The following SDK1 variants were observed in gnomAD, a reference collection of about 807,000 sequenced individuals.
SDK1 encodes the protein protein sidekick-1.
Under a neutral mutation model 245.5 loss-of-function variants are expected in SDK1, and 157 were observed. The observed-to-expected ratio is 0.64, with a 90% CI of 0.56 to 0.73. The LOEUF (loss-of-function observed/expected upper bound fraction) is 0.73. SDK1 is among the 30% of genes least tolerant of loss of function. The pLI is 0.00. For missense variants in SDK1, 3,583 were observed against 3,002.3 expected (o/e 1.19, Z -4.52); for synonymous variants, 1,647 against 1,278.5 (o/e 1.29, Z -6.15).
rs74739258 is a variant in SDK1 at position 4,038,045 on chromosome 7, A to C, written c.2603-11303A>C. Among the ~76,000 whole-genome samples, 1,370 of 152,338 alleles carry C rather than the reference A, an allele frequency of 9.0e-3. 23 individuals carry two copies. The highest frequency in any genetic ancestry group is 0.032 in the African/African-American group (1,321 of 41,572). Reference sequence around the variant, plus strand: ...TGACACAGCTGTCCCCAGTGCTGGCACATAGGCTGCCCAGCTCACAGCTGT... The same window carrying C: ...TGACACAGCTGTCCCCAGTGCTGGCCCATAGGCTGCCCAGCTCACAGCTGT... On this transcript the variant is annotated intron_variant, in intron 17 of 44. Coordinates refer to ENST00000404826, the MANE Select transcript of SDK1 (RefSeq NM_152744.4).
intron 4 of SDK1, among the ~76,000 whole-genome samples, chr7:3,703,808 G>A (rs539651879): frequency 2.6e-5 from 4 of 152,284 alleles, no homozygotes; most frequent in South Asian, 4.1e-4. Context: ...TTCCCAAGAC[G>A]TGTGAATTTG....
chr7:4,218,566 G>T (rs1016944298), intron 38 of SDK1, among the ~76,000 whole-genome samples: 11 of 152,350 alleles, frequency 7.2e-5, no homozygotes, highest in African/African-American at 2.6e-4. Flanking sequence ...GACCCGTTTT[G>T]TAGTAGGAAG....
At chr7:3,609,398 T>C (rs901827908) in intron 1 of SDK1, among the ~76,000 whole-genome samples, 1 of 151,946 alleles carries the variant, frequency 6.6e-6, no homozygotes, top group Admixed American at 6.6e-5. Flanking sequence ...CTGGGATTTT[T>C]CTTTTTCTTT....
At chr7:4,093,103 A>T (rs1374710885) in intron 22 of SDK1, among the ~76,000 whole-genome samples, 1 of 151,904 alleles carries the variant, frequency 6.6e-6, no homozygotes, top group Admixed American at 6.6e-5. Context: ...TGATGCTCAG[A>T]TGTGGGTTGC....
At chr7:4,113,905 C>A in intron 24 of SDK1, 132 bp from the exon 25 acceptor site, 1 of 658,132 alleles carries the variant, frequency 1.5e-6, no homozygotes, top group Non-Finnish European at 2.6e-6. Flanking sequence ...TAAAGTAGAT[C>A]CTTCTAAGAC....
intron 16 of SDK1, among the ~76,000 whole-genome samples, chr7:4,015,071 G>A (rs186498066): frequency 3.8e-3 from 580 of 152,250 alleles, no homozygotes; most frequent in Non-Finnish European, 6.2e-3. Context: ...GTTTAAAAAT[G>A]TATATATATT....
chr7:3,587,300 CGTGT>C (rs10523052), intron 1 of SDK1, among the ~76,000 whole-genome samples: 61,976 of 149,020 alleles, frequency 0.42, 13,234 homozygotes, highest in South Asian at 0.62. Context: ...AGAAACAGAA[CGTGT>C]GTGTGTGTGT....
chr7:3,992,820 T>C (rs1382676832), intron 14 of SDK1, among the ~76,000 whole-genome samples: 1 of 152,166 alleles, frequency 6.6e-6, no homozygotes, highest in African/African-American at 2.4e-5. Flanking sequence ...CTGTAAATTG[T>C]AGAAATCTTA....
chr7:3,595,649 T>C (rs1192587337), intron 1 of SDK1, among the ~76,000 whole-genome samples: 1 of 151,774 alleles, frequency 6.6e-6, no homozygotes, highest in African/African-American at 2.4e-5. Flanking sequence ...CACAGGGGTT[T>C]GACCTTGACT....
chr7:3,975,245 C>A (rs751816428), intron 13 of SDK1, among the ~76,000 whole-genome samples: 1 of 152,194 alleles, frequency 6.6e-6, no homozygotes, highest in East Asian at 1.9e-4. Context: ...AAAGTTGTGC[C>A]ATCTCAATAT....
intron 40 of SDK1, among the ~76,000 whole-genome samples, chr7:4,226,305 C>T (rs1478157003): frequency 1.3e-5 from 2 of 152,210 alleles, no homozygotes; most frequent in Admixed American, 6.5e-5. Flanking sequence ...CTCTGGCCCA[C>T]GTGGTCGGCT....
At chr7:4,050,857 A>G (rs1218413466) in intron 18 of SDK1, among the ~76,000 whole-genome samples, 1 of 145,422 alleles carries the variant, frequency 6.9e-6, no homozygotes, top group East Asian at 2.0e-4. Context: ...AATATATATT[A>G]TATACTATAT....
intron 4 of SDK1, among the ~76,000 whole-genome samples, chr7:3,680,500 C>T (rs1027173897): frequency 6.6e-6 from 1 of 152,136 alleles, no homozygotes; most frequent in Non-Finnish European, 1.5e-5. Context: ...TAAGTGAGGT[C>T]TGGGTGTTGT....
intron 4 of SDK1, among the ~76,000 whole-genome samples, chr7:3,757,698 A>G (rs1299348037): frequency 2.6e-5 from 4 of 152,208 alleles, no homozygotes; most frequent in African/African-American, 9.6e-5. Context: ...CTGTGTGTCC[A>G]ACACCCCGGA....
intron 5 of SDK1, among the ~76,000 whole-genome samples, chr7:3,892,233 A>G (rs1409387036): frequency 5.3e-5 from 8 of 152,138 alleles, no homozygotes; most frequent in African/African-American, 1.9e-4. Context: ...GTAACTAGCA[A>G]TTCTCAAATC....
At chr7:4,021,147 A>T (rs1786858108) in intron 17 of SDK1, among the ~76,000 whole-genome samples, 1 of 152,110 alleles carries the variant, frequency 6.6e-6, no homozygotes, top group South Asian at 2.1e-4. Context: ...GGTAGGGAAG[A>T]TATCTGGTGT....
Position 3,579,785 on chromosome 7 carries a change from G to A in SDK1, c.299-39295G>A, listed in dbSNP as rs532081884. ...AAAGAGGTAAAAACAGGCAAAGAAA[G>A]GGCATCCAAAGAGAGAGGAAGTCAA... On this transcript the variant is annotated intron_variant, in intron 1 of 44. Transcript: ENST00000404826. Among the ~76,000 whole-genome samples the A allele has an allele frequency of 2.6e-3, 402 of 152,236 alleles. 3 individuals carry two copies. The highest frequency in any genetic ancestry group is 9.5e-3 in the African/African-American group (393 of 41,532).
At chr7:3,749,704 T>C (rs1779723815) in intron 4 of SDK1, among the ~76,000 whole-genome samples, 1 of 152,138 alleles carries the variant, frequency 6.6e-6, no homozygotes, top group Non-Finnish European at 1.5e-5. Flanking sequence ...AGCTAGCTCA[T>C]AGTTAAACCT....
chr7:4,059,840 T>C (rs989749498), intron 19 of SDK1, among the ~76,000 whole-genome samples: 3 of 152,142 alleles, frequency 2.0e-5, no homozygotes, highest in Admixed American at 1.3e-4. Flanking sequence ...CTGAATGACC[T>C]TTGGGTCAAG....
Sources: allele counts gnomAD v4.1 joint callset (sites outside exome capture counted in the v4.1 genomes callset), GRCh38; gene constraint gnomAD v4.1.1; transcripts MANE v1.5; gene names NCBI Gene and HGNC (gene_info 2026-07-23, HGNC 2026-07-21).